DGKI: variants seen among roughly 807,000 people sequenced by gnomAD.
DGKI encodes the protein diacylglycerol kinase iota.
Under a neutral mutation model 147.5 loss-of-function variants are expected in DGKI, and 55 were observed. The observed-to-expected ratio is 0.37, with a 90% CI of 0.30 to 0.47. The LOEUF (loss-of-function observed/expected upper bound fraction) is 0.47, where lower values mean the gene tolerates loss of function less well. DGKI is among the 20% of genes least tolerant of loss of function. The probability of loss-of-function intolerance (pLI) is 1.00; values close to 1 mark genes in which losing one functional copy is unlikely to be tolerated. For synonymous variants in DGKI, 469 were observed against 477.1 expected, an observed-to-expected ratio of 0.98 and a Z score of 0.22; for missense variants, 1,007 against 1,323.8, an observed-to-expected ratio of 0.76 and a Z score of 3.71.
intron 21 of DGKI, among the ~76,000 whole-genome samples, chr7:137,504,946 C>G (rs1047179479): frequency 1.3e-5 from 2 of 152,052 alleles, no homozygotes; most frequent in Non-Finnish European, 2.9e-5. Flanking sequence ...AAATTAGCCA[C>G]AGACTGGGTG....
intron 27 of DGKI, among the ~76,000 whole-genome samples, chr7:137,448,113 C>T (rs10233122): frequency 0.38 from 58,363 of 151,832 alleles, 11,712 homozygotes; most frequent in East Asian, 0.64. Context: ...TAAACTATTT[C>T]ATACACAACA....
intron 19 of DGKI, among the ~76,000 whole-genome samples, chr7:137,552,875 G>A (rs926046502): frequency 3.9e-5 from 6 of 151,922 alleles, no homozygotes; most frequent in Middle Eastern, 3.4e-3. Context: ...AGGTCAAGCC[G>A]CTGCACTCCA....
chr7:137,845,337 C>A (rs910337636), intron 1 of DGKI, among the ~76,000 whole-genome samples: 6 of 152,224 alleles, frequency 3.9e-5, no homozygotes, highest in African/African-American at 1.4e-4. Flanking sequence ...AACCCACACA[C>A]CTCTGTCATC....
Position 137,729,924 on chromosome 7 carries a change from G to A in DGKI, c.402-39922C>T, listed in dbSNP as rs76686318. ...TCTTGCTCGTTGACACTGATCAAAC[G>A]TAGTGGTTTCTACCAACACTGTGTT... On this transcript the variant is annotated intron_variant, in intron 1 of 32. Coordinates refer to ENST00000614521, the MANE Select transcript of DGKI (RefSeq NM_001321708.2). Among the ~76,000 whole-genome samples, 1,352 of 152,152 alleles carry A rather than the reference G, an allele frequency of 8.9e-3. 19 individuals carry two copies. The highest frequency in any genetic ancestry group is 0.031 in the African/African-American group (1,276 of 41,526).
At chr7:137,682,866 G>A (rs1823287567) in intron 2 of DGKI, among the ~76,000 whole-genome samples, 2 of 152,148 alleles carry the variant, frequency 1.3e-5, no homozygotes, top group South Asian at 4.1e-4. Context: ...GTGATCCTCA[G>A]CATGGGTCAC....
chr7:137,583,111 A>G (rs978681197), intron 14 of DGKI, among the ~76,000 whole-genome samples: 1 of 152,150 alleles, frequency 6.6e-6, no homozygotes, highest in African/African-American at 2.4e-5. Flanking sequence ...GACAGATATA[A>G]ATGCAGAAAA....
chr7:137,731,633 T>C (rs1794888786), intron 1 of DGKI, among the ~76,000 whole-genome samples: 1 of 152,088 alleles, frequency 6.6e-6, no homozygotes, highest in African/African-American at 2.4e-5. Flanking sequence ...GCAATGACAC[T>C]ATCTTGACTC....
At chr7:137,788,106 T>A (rs540028157) in intron 1 of DGKI, among the ~76,000 whole-genome samples, 45 of 152,274 alleles carry the variant, frequency 3.0e-4, no homozygotes, top group African/African-American at 1.1e-3. Flanking sequence ...TAGAAATACT[T>A]AATATTTTAC....
At position 137,610,993 on chromosome 7, in the gene DGKI, C is replaced by T. The variant is rs191054771; in HGVS notation, c.994-1384G>A. 2.6e-5 allele frequency among the ~76,000 whole-genome samples: 4 copies of T among 152,280 alleles called. No homozygotes were observed. The East Asian group carries it at 7.7e-4, about 29-fold the overall frequency. ...AGAGAGATCGAGGAGCTCATGGGTG[C>T]TCTAGACCCCAGGTCATTCCTCATC... On this transcript the variant is annotated intron_variant, in intron 8 of 32. Transcript: ENST00000614521.
At chr7:137,656,329 T>A in intron 4 of DGKI, 137 bp downstream of exon 4, 1 of 828,774 alleles carries the variant, frequency 1.2e-6, no homozygotes, top group Admixed American at 2.1e-5. Context: ...CCATTAGTAA[T>A]CTGGTAATAA....
intron 13 of DGKI, 85 bp downstream of exon 13, chr7:137,587,011 AC>A (rs1214711115): frequency 8.2e-6 from 8 of 969,786 alleles, no homozygotes; most frequent in African/African-American, 5.0e-5. Context: ...CAGCAGCAGT[AC>A]CCCCCTCTTC....
At chr7:137,663,062 A>G (rs1016949190) in intron 3 of DGKI, among the ~76,000 whole-genome samples, 12 of 152,370 alleles carry the variant, frequency 7.9e-5, no homozygotes, top group Middle Eastern at 3.4e-3. Flanking sequence ...GTTATCCTAC[A>G]TAAGAGAAGA....
At chr7:137,802,745 C>G (rs3800667) in intron 1 of DGKI, among the ~76,000 whole-genome samples, 1 of 152,218 alleles carries the variant, frequency 6.6e-6, no homozygotes, top group African/African-American at 2.4e-5. Context: ...CCTCTCTCCT[C>G]GAACTTCTTC....
chr7:137,542,768 A>G (rs544752925), intron 20 of DGKI, among the ~76,000 whole-genome samples: 1 of 152,304 alleles, frequency 6.6e-6, no homozygotes, highest in Non-Finnish European at 1.5e-5. Context: ...TTTAAATATT[A>G]AAAATAAAAG....
chr7:137,576,902 T>C (rs1585248325), intron 17 of DGKI, among the ~76,000 whole-genome samples: 1 of 152,348 alleles, frequency 6.6e-6, no homozygotes, highest in East Asian at 1.9e-4. Flanking sequence ...GTCAGAGTTA[T>C]CACTTCTCCC....
chr7:137,455,519 G>C (rs1563028919), intron 27 of DGKI, among the ~76,000 whole-genome samples: 2 of 151,820 alleles, frequency 1.3e-5, no homozygotes. Flanking sequence ...CCTTTAAGGA[G>C]CTTGTAAGGG....
At chr7:137,654,936 G>C in intron 4 of DGKI, 148 bp from the exon 5 acceptor site, 1 of 572,014 alleles carries the variant, frequency 1.7e-6, no homozygotes, top group Non-Finnish European at 3.0e-6. Flanking sequence ...TTAGTCTTTT[G>C]AAATCATCAC....
intron 28 of DGKI, among the ~76,000 whole-genome samples, chr7:137,418,733 T>C (rs935829801): frequency 2.0e-5 from 3 of 152,166 alleles, no homozygotes; most frequent in Non-Finnish European, 4.4e-5. Flanking sequence ...TCCAAAATTA[T>C]AGAAGAAAAA....
chr7:137,533,884 G>A (rs1390000611), intron 20 of DGKI, among the ~76,000 whole-genome samples: 1 of 152,012 alleles, frequency 6.6e-6, no homozygotes, highest in Non-Finnish European at 1.5e-5. Flanking sequence ...TATAACTTTG[G>A]AACTTGGTGA....
Sources: gnomAD v4.1 joint callset for allele counts (sites outside exome capture counted in the v4.1 genomes callset) on GRCh38, gnomAD v4.1.1 for gene constraint, MANE v1.5 for transcripts, NCBI Gene and HGNC (gene_info 2026-07-23, HGNC 2026-07-21) for gene names.